The following GPR183 variants were observed in gnomAD, a reference collection of about 807,000 sequenced individuals.
The protein encoded by GPR183 is EBV-induced G-protein coupled receptor 2.
A neutral mutation model predicts 19.7 loss-of-function variants in GPR183; 9 were observed. The observed-to-expected ratio is 0.46, with a 90% confidence interval of 0.28 to 0.80. The LOEUF is 0.80. GPR183 is among the 30% of genes least tolerant of loss of function. The pLI is 0.13. For synonymous variants in GPR183, 160 were observed against 155.1 expected, an observed-to-expected ratio of 1.03 and a Z score of -0.24; for missense variants, 368 against 446.7, an observed-to-expected ratio of 0.82 and a Z score of 1.59.
intron 1 of GPR183, among the ~76,000 whole-genome samples, chr13:99,304,119 C>G (rs2138739501): frequency 6.6e-6 from 1 of 152,328 alleles, no homozygotes; most frequent in African/African-American, 2.4e-5. Flanking sequence ...CCCTCATGAT[C>G]TGAGCTCCAT....
chr13:99,302,161 G>A (rs2044266326), intron 1 of GPR183, among the ~76,000 whole-genome samples: 1 of 152,158 alleles, frequency 6.6e-6, no homozygotes, highest in African/African-American at 2.4e-5. Context: ...ACAGCCAGGG[G>A]AGCCACCCAG....
At chr13:99,297,004 A>G (rs953250308) in intron 1 of GPR183, among the ~76,000 whole-genome samples, 8 of 152,178 alleles carry the variant, frequency 5.3e-5, no homozygotes, top group Admixed American at 3.9e-4. Flanking sequence ...ATGTCAGTGC[A>G]ATGTATATAT....
At chr13:99,303,509 A>G (rs532061554) in intron 1 of GPR183, among the ~76,000 whole-genome samples, 9 of 152,330 alleles carry the variant, frequency 5.9e-5, no homozygotes, top group African/African-American at 2.2e-4. Flanking sequence ...GATGAAGATG[A>G]CATATGTTTA....
chr13:99,306,554 C>A (rs550253568), intron 1 of GPR183, among the ~76,000 whole-genome samples: 1 of 152,028 alleles, frequency 6.6e-6, no homozygotes, highest in Non-Finnish European at 1.5e-5. Context: ...TATATAAAAC[C>A]CTCACTGCCC....
In GPR183 at chr13:99,297,699, A is replaced by G. The variant is rs571438886; in HGVS notation, c.-18-1536T>C. Among the ~76,000 whole-genome samples, 16 of 152,288 alleles carry G rather than the reference A, an allele frequency of 1.1e-4. No homozygotes were observed. The South Asian group carries it at 2.9e-3, about 28-fold the overall frequency. Reference sequence around the variant, plus strand: ...CCAGAAAAGAGACAATGGGAAAAAAACAAAGAATGAGGATGGTAAGTAGAA... The same window carrying G: ...CCAGAAAAGAGACAATGGGAAAAAAGCAAAGAATGAGGATGGTAAGTAGAA... On this transcript the variant is annotated intron_variant, in intron 1 of 1. Transcript: ENST00000376414.
intron 1 of GPR183, among the ~76,000 whole-genome samples, chr13:99,297,065 A>C (rs1387817760): frequency 6.6e-6 from 1 of 152,200 alleles, no homozygotes; most frequent in African/African-American, 2.4e-5. Context: ...ACAGTCTTCC[A>C]ATGTGTCAAT....
intron 1 of GPR183, among the ~76,000 whole-genome samples, chr13:99,305,466 C>T (rs969830419): frequency 7.2e-5 from 11 of 152,234 alleles, no homozygotes; most frequent in African/African-American, 2.4e-4. Context: ...TTATTAGGTG[C>T]GAAGCTCTTT....
Position 99,295,000 on chromosome 13 carries a change from G to C in GPR183, c.*60C>G. The C allele has an allele frequency of 6.6e-7, 1 of 1,522,568 alleles. No individual in the cohort carries two copies. Among genetic ancestry groups the C allele is most frequent in the Non-Finnish European group, 8.8e-7 (1 of 1,133,322 alleles). The allele number at this position is 1,522,568 out of a possible 1,614,324, so 94.3% of individuals were successfully genotyped here. A position where few individuals can be genotyped will look rare whatever the true frequency, so the allele number is the denominator to read the frequency against. On this transcript the variant is annotated 3_prime_UTR_variant, in exon 2 of 2. Coordinates refer to ENST00000376414, the MANE Select transcript of GPR183 (RefSeq NM_004951.5). ...CTGAACAATTATTTTGCTTTATAAG[G>C]GAAGTCCTGCAAAGTTTGTCATACA...
intron 1 of GPR183, among the ~76,000 whole-genome samples, chr13:99,306,956 G>A (rs930727767): frequency 6.6e-6 from 1 of 152,096 alleles, no homozygotes; most frequent in African/African-American, 2.4e-5. Flanking sequence ...AATTCCTATA[G>A]CATAGGAATA....
Position 99,296,183 on chromosome 13 carries a change from G to A in GPR183, c.-18-20C>T, listed in dbSNP as rs185844556. On this transcript the variant is annotated intron_variant, in intron 1 of 1. Transcript: ENST00000376414. ...AGGTGTCTAGAAAAAAACCAAGAAG[G>A]ATCATATAAGTAAAAGCATATGTAT... is the stretch of plus-strand genomic sequence containing the variant. 2.6e-6 allele frequency: 4 copies of A among 1,521,492 alleles called. No homozygotes were observed. The Admixed American group carries it at 6.7e-5, about 26-fold the overall frequency. 94.2% of individuals were successfully genotyped at this position (1,521,492 alleles called of 1,614,324 possible). A position where few individuals can be genotyped will look rare whatever the true frequency, so the allele number is the denominator to read the frequency against.
At chr13:99,296,321 T>C (rs2044172747) in intron 1 of GPR183, among the ~76,000 whole-genome samples, 158 bp from the exon 2 acceptor site, 1 of 152,212 alleles carries the variant, frequency 6.6e-6, no homozygotes, top group Non-Finnish European at 1.5e-5. Context: ...TTTTTAACAG[T>C]TTATAATTAT....
At chr13:99,297,878 G>C (rs1474482719) in intron 1 of GPR183, among the ~76,000 whole-genome samples, 1 of 151,510 alleles carries the variant, frequency 6.6e-6, no homozygotes, top group South Asian at 2.1e-4. Flanking sequence ...GAAAGGTTGA[G>C]AATAAAGGCA....
intron 1 of GPR183, among the ~76,000 whole-genome samples, chr13:99,300,064 C>T (rs1438357796): frequency 6.6e-6 from 1 of 152,204 alleles, no homozygotes; most frequent in Non-Finnish European, 1.5e-5. Flanking sequence ...TCAACTATAT[C>T]ATGGCACATG....
chr13:99,294,573 C>G lies in GPR183; in HGVS notation c.*487G>C, dbSNP rs1391264405. 1.0e-4 allele frequency: 16 copies of G among 152,796 alleles called. No homozygotes were observed. Among genetic ancestry groups the G allele is most frequent in the Admixed American group, 1.0e-3 (16 of 15,322 alleles). The allele number at this position is 152,796 out of a possible 1,614,324, so 9.5% of individuals were successfully genotyped here. The stretch of plus-strand genomic sequence containing the variant: ...TCCTGCTCTTTATTCCAAAAGAGTT[C>G]CTTAACAAAGTTTTATGACCCAGAA... On this transcript the variant is annotated 3_prime_UTR_variant, in exon 2 of 2. Transcript: ENST00000376414.
At chr13:99,303,641 G>T (rs1594107013) in intron 1 of GPR183, among the ~76,000 whole-genome samples, 1 of 152,144 alleles carries the variant, frequency 6.6e-6, no homozygotes, top group African/African-American at 2.4e-5. Context: ...AATATAAAAA[G>T]GCTCTTTATA....
At chr13:99,306,527 A>T (rs1160979870) in intron 1 of GPR183, among the ~76,000 whole-genome samples, 1 of 152,048 alleles carries the variant, frequency 6.6e-6, no homozygotes, top group Non-Finnish European at 1.5e-5. Flanking sequence ...CTCCCCCAAC[A>T]CACACACAAA....
intron 1 of GPR183, among the ~76,000 whole-genome samples, chr13:99,297,741 G>A (rs1174485606): frequency 1.3e-5 from 2 of 151,960 alleles, no homozygotes; most frequent in Non-Finnish European, 2.9e-5. Flanking sequence ...AGAGGGTAGG[G>A]ATGTGTCACA....
chr13:99,304,651 AG>A (rs1263508686), intron 1 of GPR183, among the ~76,000 whole-genome samples: 3 of 152,224 alleles, frequency 2.0e-5, no homozygotes, highest in African/African-American at 7.2e-5. Flanking sequence ...ACTGTGTTCC[AG>A]GCACTGCCCT....
intron 1 of GPR183, among the ~76,000 whole-genome samples, chr13:99,298,454 G>A (rs1175286191): frequency 2.6e-5 from 4 of 152,102 alleles, no homozygotes; most frequent in African/African-American, 9.7e-5. Flanking sequence ...ACTAAATGAT[G>A]AAAGTACTAC....
Sources: allele counts gnomAD v4.1 joint callset (sites outside exome capture counted in the v4.1 genomes callset), GRCh38; gene constraint gnomAD v4.1.1; transcripts MANE v1.5; gene names NCBI Gene and HGNC (gene_info 2026-07-23, HGNC 2026-07-21).